The following PTPRM variants were observed in gnomAD, a reference collection of about 807,000 sequenced individuals.
PTPRM encodes the protein receptor-type tyrosine-protein phosphatase mu.
In PTPRM, 47 loss-of-function variants were observed where a neutral mutation model predicts 186.7. That is an observed-to-expected ratio of 0.25 (90% CI 0.20 to 0.32). The LOEUF is 0.32. PTPRM is among the 10% of genes least tolerant of loss of function. The pLI is 1.00. For missense variants in PTPRM, 1,494 were observed against 1,865.0 expected (o/e 0.80, Z 3.66); for synonymous variants, 668 against 674.9 (o/e 0.99, Z 0.16).
rs550250440 is a variant in PTPRM, at chr18:8,131,130, C to T, written c.2168-12517C>T. On this transcript the variant is annotated intron_variant, in intron 13 of 32. Coordinates refer to ENST00000580170, the MANE Select transcript of PTPRM (RefSeq NM_001105244.2). ...TGCCAGTCCCAAGTTGACACTGCAGCTCTTCAGAGACATTCAAAATTGAAC... is the reference window on the plus strand; with the variant it reads ...TGCCAGTCCCAAGTTGACACTGCAGTTCTTCAGAGACATTCAAAATTGAAC... 2.0e-5 allele frequency among the ~76,000 whole-genome samples: 3 copies of T among 152,286 alleles called. No individual in the cohort carries two copies. In the East Asian group the frequency reaches 5.8e-4, roughly 29 times the overall value.
chr18:7,850,398 C>T (rs1160802026), intron 2 of PTPRM, among the ~76,000 whole-genome samples: 2 of 152,066 alleles, frequency 1.3e-5, no homozygotes, highest in African/African-American at 2.4e-5. Flanking sequence ...TTGAGATCTA[C>T]AAGATAGCAA....
intron 14 of PTPRM, among the ~76,000 whole-genome samples, chr18:8,237,926 A>C (rs6506565): frequency 0.028 from 4,216 of 151,628 alleles, 88 homozygotes; most frequent in East Asian, 0.055. Context: ...TCTTATCCTC[A>C]CTCCTCTGTA....
chr18:7,731,599 T>TG (rs1409078456), intron 1 of PTPRM, among the ~76,000 whole-genome samples: 1 of 152,166 alleles, frequency 6.6e-6, no homozygotes, highest in Non-Finnish European at 1.5e-5. Context: ...GGGATAAACA[T>TG]GCAGGATTTC....
intron 27 of PTPRM, 120 bp from the exon 28 acceptor site, chr18:8,379,047 G>T (rs6506579): frequency 1.0e-4 from 73 of 733,042 alleles, no homozygotes; most frequent in Admixed American, 7.6e-4. Context: ...GTTGGGGAGG[G>T]AGGGGGAAGG....
chr18:8,324,356 A>G (rs1478559175), intron 22 of PTPRM, among the ~76,000 whole-genome samples: 1 of 152,082 alleles, frequency 6.6e-6, no homozygotes, highest in Non-Finnish European at 1.5e-5. Context: ...CCTATCTGTT[A>G]TTTTGCATTC....
chr18:7,769,966 T>A (rs2042196954), intron 1 of PTPRM, among the ~76,000 whole-genome samples: 1 of 152,122 alleles, frequency 6.6e-6, no homozygotes, highest in Admixed American at 6.5e-5. Context: ...CTTTCCTCCA[T>A]CTTGTATATG....
intron 3 of PTPRM, among the ~76,000 whole-genome samples, chr18:7,902,834 C>CTTTTTTT (rs34332223): frequency 7.7e-6 from 1 of 130,070 alleles, no homozygotes. Context: ...TCTTCTCTGC[C>CTTTTTTT]TTTTTTTTTT....
At chr18:8,324,049 CTTAA>C (rs1278514983) in intron 22 of PTPRM, among the ~76,000 whole-genome samples, 1 of 152,096 alleles carries the variant, frequency 6.6e-6, no homozygotes, top group African/African-American at 2.4e-5. Context: ...AAACCATAGA[CTTAA>C]TTAATCTACT....
At chr18:8,161,561 G>A (rs2093229976) in intron 14 of PTPRM, among the ~76,000 whole-genome samples, 1 of 152,082 alleles carries the variant, frequency 6.6e-6, no homozygotes, top group Non-Finnish European at 1.5e-5. Context: ...TAACTTTTTG[G>A]TTGGCAATGA....
chr18:8,359,258 T>G (rs1054351735), intron 23 of PTPRM, among the ~76,000 whole-genome samples: 1 of 152,254 alleles, frequency 6.6e-6, no homozygotes, highest in African/African-American at 2.4e-5. Context: ...AAAGCAAATT[T>G]GCAGGTCTGA....
chr18:8,275,266 C>T (rs2094820523), intron 19 of PTPRM, among the ~76,000 whole-genome samples: 1 of 151,646 alleles, frequency 6.6e-6, no homozygotes, highest in African/African-American at 2.4e-5. Flanking sequence ...TAGTGAGACC[C>T]CGTCTCCAAA....
chr18:8,121,636 A>AT (rs1276766843), intron 13 of PTPRM, among the ~76,000 whole-genome samples: 13 of 152,268 alleles, frequency 8.5e-5, no homozygotes, highest in Non-Finnish European at 1.5e-4. Flanking sequence ...TTGGAGATGC[A>AT]TTTTTTATTC....
At chr18:8,393,173 A>G (rs1056473023) in intron 31 of PTPRM, among the ~76,000 whole-genome samples, 1 of 152,232 alleles carries the variant, frequency 6.6e-6, no homozygotes, top group African/African-American at 2.4e-5. Flanking sequence ...CATCTTAACA[A>G]GTGAGCAAGT....
chr18:8,306,370 A>C (rs2095221957), intron 20 of PTPRM, among the ~76,000 whole-genome samples: 1 of 152,186 alleles, frequency 6.6e-6, no homozygotes, highest in Non-Finnish European at 1.5e-5. Flanking sequence ...TGAGTTGTAG[A>C]GCCAGCATCA....
chr18:8,321,497 A>G (rs144407331), intron 22 of PTPRM, among the ~76,000 whole-genome samples: 158 of 152,320 alleles, frequency 1.0e-3, no homozygotes, highest in African/African-American at 3.7e-3. Flanking sequence ...AATTCATGTG[A>G]GTGATACTTA....
intron 1 of PTPRM, among the ~76,000 whole-genome samples, chr18:7,593,603 A>G (rs2037180080): frequency 6.6e-6 from 1 of 152,172 alleles, no homozygotes; most frequent in Non-Finnish European, 1.5e-5. Context: ...ATTAATGTCA[A>G]ATTGCATCTG....
At chr18:7,781,484 A>G (rs2145081868) in intron 2 of PTPRM, among the ~76,000 whole-genome samples, 1 of 152,206 alleles carries the variant, frequency 6.6e-6, no homozygotes, top group East Asian at 1.9e-4. Context: ...TCGGGGGTAC[A>G]TGTGTAGATT....
At chr18:7,753,315 T>C (rs954554902) in intron 1 of PTPRM, among the ~76,000 whole-genome samples, 4 of 152,106 alleles carry the variant, frequency 2.6e-5, no homozygotes, top group African/African-American at 9.7e-5. Context: ...GTCAGAATTA[T>C]ATGTATATCT....
intron 1 of PTPRM, among the ~76,000 whole-genome samples, chr18:7,691,827 C>T: frequency 6.6e-6 from 1 of 151,806 alleles, no homozygotes; most frequent in East Asian, 1.9e-4. Flanking sequence ...CCAAGCTACT[C>T]AGGCGGCTGA....
Sources: allele counts gnomAD v4.1 joint callset (sites outside exome capture counted in the v4.1 genomes callset), GRCh38; gene constraint gnomAD v4.1.1; transcripts MANE v1.5; gene names NCBI Gene and HGNC (gene_info 2026-07-23, HGNC 2026-07-21).